The following MEGF10 variants were observed in gnomAD, a reference collection of about 807,000 sequenced individuals.
MEGF10 encodes multiple EGF like domains 10.
Under a neutral mutation model 147.5 loss-of-function variants are expected in MEGF10, and 86 were observed. The ratio of observed to expected loss-of-function variants is 0.58; its 90% CI spans 0.49 to 0.70. MEGF10 has a LOEUF of 0.70. Ranked by LOEUF, MEGF10 falls within the 30% of genes least tolerant of loss-of-function variation. The probability of loss-of-function intolerance (pLI) is 0.00; values close to 1 mark genes in which losing one functional copy is unlikely to be tolerated. For synonymous variants in MEGF10, 478 were observed against 525.5 expected, an observed-to-expected ratio of 0.91 and a Z score of 1.24; for missense variants, 1,329 against 1,487.3, an observed-to-expected ratio of 0.89 and a Z score of 1.75.
In MEGF10 at chr5:127,291,039, C is replaced by G. The variant is rs1171188700; in HGVS notation, c.-36C>G. ...GGAGAAAAGGTTGCGCTGCGATTCTCAAGATCTCTGGACCTGGGTAAGAGT... is the reference window on the plus strand; with the variant it reads ...GGAGAAAAGGTTGCGCTGCGATTCTGAAGATCTCTGGACCTGGGTAAGAGT... On this transcript the variant is annotated 5_prime_UTR_variant, in exon 1 of 25. Transcript: ENST00000503335. 2.1e-4 allele frequency: 32 copies of G among 152,280 alleles called. No individual in the cohort carries two copies. The highest frequency in any genetic ancestry group is 2.0e-3 in the Admixed American group (31 of 15,278). 9.4% of individuals were successfully genotyped at this position (152,280 alleles called of 1,614,324 possible). A position where few individuals can be genotyped will look rare whatever the true frequency, so the allele number is the denominator to read the frequency against.
chr5:127,342,446 A>G (rs1441279644), intron 4 of MEGF10, among the ~76,000 whole-genome samples: 1 of 152,140 alleles, frequency 6.6e-6, no homozygotes, highest in Admixed American at 6.6e-5. Flanking sequence ...CTCATACAAA[A>G]CTTGGAAAGG....
chr5:127,340,699 C>A, intron 4 of MEGF10, 69 bp downstream of exon 4: 1 of 1,259,136 alleles, frequency 7.9e-7, no homozygotes, highest in South Asian at 1.2e-5. Flanking sequence ...CCATTAATAG[C>A]AGCTGAGACA....
intron 4 of MEGF10, among the ~76,000 whole-genome samples, chr5:127,357,628 T>TAAATAAAA (rs1200837347): frequency 3.0e-5 from 4 of 134,984 alleles, no homozygotes; most frequent in African/African-American, 1.1e-4. Flanking sequence ...AATAAATAAA[T>TAAATAAAA]AAAATTTAAA....
chr5:127,420,183 G>T lies in MEGF10; in HGVS notation c.1566G>T (p.Gly522=). 1 of 1,614,124 alleles carries T rather than the reference G, an allele frequency of 6.2e-7. No individual in the cohort carries two copies. The highest frequency in any genetic ancestry group is 8.5e-7 in the Non-Finnish European group (1 of 1,179,994). The stretch of plus-strand genomic sequence containing the variant: ...GCACGTGTGCACCTGGATGGCGCGG[G>T]GAGAAATGCGAACTTCCCTGCCAGG... ...GTCTCAPGWR[G]EKCELPCQDG... Residue 522 remains glycine, a synonymous_variant, in exon 12 of 25, where the codon GGG becomes GGT. Coordinates refer to ENST00000503335, the MANE Select transcript of MEGF10 (RefSeq NM_001256545.2).
intron 13 of MEGF10, chr5:127,424,500 A>G: frequency 6.9e-7 from 1 of 1,447,732 alleles, no homozygotes; most frequent in South Asian, 1.5e-5. Flanking sequence ...CAGATTCATA[A>G]ACATGGGATG....
chr5:127,328,177 G>A lies in MEGF10; in HGVS notation c.-18-3114G>A, dbSNP rs574819830. ...TTGTGAGATGTCTTCTCTCCTCATC[G>A]TCTATAACATCTGTGTTATTTTCTC... On this transcript the variant is annotated intron_variant, in intron 1 of 24. Coordinates refer to ENST00000503335, the MANE Select transcript of MEGF10 (RefSeq NM_001256545.2). Among the ~76,000 whole-genome samples, 33 of 152,226 alleles carry A rather than the reference G, an allele frequency of 2.2e-4. No homozygotes were observed. In the South Asian group the frequency reaches 6.0e-3, roughly 28 times the overall value.
intron 5 of MEGF10, among the ~76,000 whole-genome samples, chr5:127,381,257 C>G (rs1309456157): frequency 6.6e-6 from 1 of 152,186 alleles, no homozygotes; most frequent in African/African-American, 2.4e-5. Flanking sequence ...CAAATTATTT[C>G]TAATCACATA....
At chr5:127,365,027 C>T (rs1218599372) in intron 4 of MEGF10, among the ~76,000 whole-genome samples, 1 of 152,132 alleles carries the variant, frequency 6.6e-6, no homozygotes, top group Non-Finnish European at 1.5e-5. Context: ...GCACCTTTAA[C>T]TCTAAAACTC....
chr5:127,445,347 A>G, intron 19 of MEGF10, 110 bp from the exon 20 acceptor site: 1 of 781,642 alleles, frequency 1.3e-6, no homozygotes, highest in Admixed American at 2.1e-5. Context: ...TTAATGTTTT[A>G]TGAACTGAAA....
intron 17 of MEGF10, among the ~76,000 whole-genome samples, chr5:127,439,968 A>G (rs1765695233): frequency 6.6e-6 from 1 of 152,246 alleles, no homozygotes; most frequent in Non-Finnish European, 1.5e-5. Flanking sequence ...TGAAAGTTCC[A>G]TAAGAAAATG....
Position 127,353,801 on chromosome 5 carries a change from A to G in MEGF10, c.319+13171A>G, listed in dbSNP as rs56007284. Among the ~76,000 whole-genome samples, 579 of 152,304 alleles carry G rather than the reference A, an allele frequency of 3.8e-3. 4 individuals carry two copies. Among genetic ancestry groups the G allele is most frequent in the Middle Eastern group, 6.8e-3 (2 of 294 alleles). ...ATGGTAACTCAAAGTTCAAGTTCTA[A>G]TGGGGGCGTCCAGGCAAGTGTGGCT... On this transcript the variant is annotated intron_variant, in intron 4 of 24. Coordinates refer to ENST00000503335, the MANE Select transcript of MEGF10 (RefSeq NM_001256545.2).
intron 9 of MEGF10, among the ~76,000 whole-genome samples, chr5:127,411,794 G>T (rs1409349135): frequency 6.6e-6 from 1 of 152,140 alleles, no homozygotes; most frequent in Non-Finnish European, 1.5e-5. Flanking sequence ...TAAGGAGCTG[G>T]CAGGATTAGG....
At chr5:127,353,339 A>G (rs1441208831) in intron 4 of MEGF10, among the ~76,000 whole-genome samples, 1 of 152,246 alleles carries the variant, frequency 6.6e-6, no homozygotes, top group East Asian at 1.9e-4. Flanking sequence ...ACTGGTTTCC[A>G]AACACATCTT....
intron 1 of MEGF10, among the ~76,000 whole-genome samples, chr5:127,320,564 G>A (rs1043361229): frequency 6.6e-6 from 1 of 152,208 alleles, no homozygotes; most frequent in African/African-American, 2.4e-5. Flanking sequence ...TTTGGGTTGT[G>A]GCTTTGTATA....
At chr5:127,328,903 A>G (rs546632234) in intron 1 of MEGF10, among the ~76,000 whole-genome samples, 1 of 152,320 alleles carries the variant, frequency 6.6e-6, no homozygotes, top group African/African-American at 2.4e-5. Flanking sequence ...CAAATATATT[A>G]AAGATTTTTT....
chr5:127,430,911 A>G (rs1159133363), intron 13 of MEGF10, among the ~76,000 whole-genome samples: 1 of 152,242 alleles, frequency 6.6e-6, no homozygotes, highest in Non-Finnish European at 1.5e-5. Flanking sequence ...AATTTTTATA[A>G]TTTATATTCA....
upstream of MEGF10, among the ~76,000 whole-genome samples, chr5:127,285,975 G>A (rs566493101): frequency 2.0e-5 from 3 of 152,096 alleles, no homozygotes; most frequent in African/African-American, 4.8e-5. Flanking sequence ...AATACTATTC[G>A]GCCATAAAAA....
chr5:127,349,004 C>T (rs1340554688), intron 4 of MEGF10, among the ~76,000 whole-genome samples: 1 of 151,746 alleles, frequency 6.6e-6, no homozygotes, highest in African/African-American at 2.4e-5. Context: ...GTGACAAGAG[C>T]GAGAATCCAT....
Position 127,455,386 on chromosome 5 carries a change from C to A in MEGF10, c.3026-15C>A, listed in dbSNP as rs558688109. On this transcript the variant is annotated splice_polypyrimidine_tract_variant and intron_variant, in intron 23 of 24. Coordinates refer to ENST00000503335, the MANE Select transcript of MEGF10 (RefSeq NM_001256545.2). ...TGACACAGCATTAGCTTTCTCTTCT[C>A]ATTTCTCTTCACAGACCTGGGAAAG... The A allele has an allele frequency of 5.0e-6, 8 of 1,607,988 alleles. No homozygotes were observed. In the African/African-American group the frequency reaches 9.4e-5, roughly 19 times the overall value.
Sources: gnomAD v4.1 joint callset for allele counts (sites outside exome capture counted in the v4.1 genomes callset) on GRCh38, gnomAD v4.1.1 for gene constraint, MANE v1.5 for transcripts, NCBI Gene and HGNC (gene_info 2026-07-23, HGNC 2026-07-21) for gene names.